The following EYA2 variants were observed in gnomAD, a reference collection of about 807,000 sequenced individuals.
The protein encoded by EYA2 is EYA transcriptional coactivator and phosphatase 2.
Under a neutral mutation model 69.2 loss-of-function variants are expected in EYA2, and 31 were observed. That is an observed-to-expected ratio of 0.45 (90% confidence interval 0.34 to 0.60). EYA2 has a LOEUF of 0.60. Among genes scored for constraint, EYA2 ranks in the 20% least tolerant of loss-of-function variants. The pLI, the probability that EYA2 is intolerant of heterozygous loss-of-function variation, is 0.02. For synonymous variants in EYA2, 257 were observed against 279.4 expected, an observed-to-expected ratio of 0.92 and a Z score of 0.80; for missense variants, 622 against 701.2, an observed-to-expected ratio of 0.89 and a Z score of 1.28.
In EYA2 at chr20:47,179,869, T is replaced by C; in HGVS notation, c.1270T>C (p.Trp424Arg). Residue 424 changes from tryptophan (W) to arginine (R), a missense_variant, in exon 13 of 16, where the codon TGG becomes CGG. Trp to Arg is a moderately radical substitution (Grantham distance 101). Transcript: ENST00000327619. ...TGAGCTGGAAGCTCTCACAGACCTCTGGCTGACCCACTCCCTGAAGGCACT... is the reference window on the plus strand; with the variant it reads ...TGAGCTGGAAGCTCTCACAGACCTCCGGCTGACCCACTCCCTGAAGGCACT... ...RAELEALTDL[W>R]LTHSLKALNL... The C allele has an allele frequency of 6.2e-7, 1 of 1,614,136 alleles. No individual in the cohort carries two copies. The highest frequency in any genetic ancestry group is 8.5e-7 in the Non-Finnish European group (1 of 1,180,012).
At chr20:46,964,709 G>C (rs1002848705) in intron 1 of EYA2, among the ~76,000 whole-genome samples, 1 of 152,174 alleles carries the variant, frequency 6.6e-6, no homozygotes, top group African/African-American at 2.4e-5. Flanking sequence ...TAGGATTCCC[G>C]TTTCACAGAT....
chr20:47,172,626 C>A, intron 11 of EYA2, 81 bp from the exon 12 acceptor site: 1 of 1,472,786 alleles, frequency 6.8e-7, no homozygotes, highest in Non-Finnish European at 9.1e-7. Context: ...ACCCGTGGGT[C>A]CCACAGAGCC....
At chr20:47,105,423 G>A (rs867258091) in intron 9 of EYA2, among the ~76,000 whole-genome samples, 82 of 152,036 alleles carry the variant, frequency 5.4e-4, no homozygotes, top group Middle Eastern at 3.2e-3. Context: ...CCAGGAGTTC[G>A]AAACCAGCCT....
At chr20:46,899,422 GGT>G (rs1198797418) in intron 1 of EYA2, among the ~76,000 whole-genome samples, 1 of 152,176 alleles carries the variant, frequency 6.6e-6, no homozygotes, top group Non-Finnish European at 1.5e-5. Context: ...GGTTGGGTAT[GGT>G]TCTGTAAAGG....
At chr20:47,078,614 C>T (rs1456213758) in intron 7 of EYA2, among the ~76,000 whole-genome samples, 1 of 152,238 alleles carries the variant, frequency 6.6e-6, no homozygotes, top group East Asian at 1.9e-4. Context: ...CAACAATTTG[C>T]AGATGATTAC....
At chr20:46,967,371 A>C (rs918059998) in intron 1 of EYA2, among the ~76,000 whole-genome samples, 2 of 152,350 alleles carry the variant, frequency 1.3e-5, no homozygotes, top group South Asian at 2.1e-4. Context: ...GAGTCTAAAG[A>C]GAGAGATAAG....
chr20:47,140,849 G>A (rs2033579603), intron 9 of EYA2, among the ~76,000 whole-genome samples: 1 of 152,186 alleles, frequency 6.6e-6, no homozygotes, highest in African/African-American at 2.4e-5. Context: ...TGTACCTGGT[G>A]AGGGCCTCAA....
Position 46,900,676 on chromosome 20 carries a change from C to G in EYA2, c.-11+5689C>G, listed in dbSNP as rs559447221. Reference sequence around the variant, plus strand: ...CCCCCTTAGCCAGTTCTCTCATACTCCGTTACCAAATATCTCACCTTAAAA... The same window carrying G: ...CCCCCTTAGCCAGTTCTCTCATACTGCGTTACCAAATATCTCACCTTAAAA... On this transcript the variant is annotated intron_variant, in intron 1 of 15. Coordinates refer to ENST00000327619, the MANE Select transcript of EYA2 (RefSeq NM_005244.5). 7.6e-4 allele frequency among the ~76,000 whole-genome samples: 116 copies of G among 152,320 alleles called. 1 individual carries two copies. Among genetic ancestry groups the G allele is most frequent in the South Asian group, 7.5e-3 (36 of 4,832 alleles).
At chr20:47,047,188 C>A (rs922175019) in intron 5 of EYA2, among the ~76,000 whole-genome samples, 3 of 152,122 alleles carry the variant, frequency 2.0e-5, no homozygotes, top group Non-Finnish European at 2.9e-5. Context: ...CTGCATCCCT[C>A]AGTGAGTAAT....
At chr20:46,986,412 A>ATCT in intron 1 of EYA2, among the ~76,000 whole-genome samples, 2 of 145,828 alleles carry the variant, frequency 1.4e-5, no homozygotes, top group African/African-American at 5.1e-5. Flanking sequence ...AGATCTATAT[A>ATCT]ATATCTATAT....
chr20:47,114,338 G>A (rs906563264), intron 9 of EYA2, among the ~76,000 whole-genome samples: 4 of 152,206 alleles, frequency 2.6e-5, no homozygotes, highest in Non-Finnish European at 5.9e-5. Flanking sequence ...AGCCTTGGCC[G>A]GCCACGGTGG....
chr20:46,909,021 T>G (rs1984513266), intron 1 of EYA2, among the ~76,000 whole-genome samples: 1 of 151,876 alleles, frequency 6.6e-6, no homozygotes, highest in African/African-American at 2.4e-5. Context: ...AGCAATCAGC[T>G]TGCTTCATTA....
chr20:47,169,305 G>A (rs1441045792), intron 11 of EYA2, 108 bp downstream of exon 11: 3 of 1,116,780 alleles, frequency 2.7e-6, no homozygotes, highest in South Asian at 1.2e-5. Flanking sequence ...TAAGGACAAG[G>A]AGTGCCTGCC....
intron 10 of EYA2, among the ~76,000 whole-genome samples, chr20:47,154,859 G>T (rs1019560838): frequency 7.4e-4 from 107 of 144,426 alleles, no homozygotes; most frequent in African/African-American, 2.6e-3. Context: ...GTGTGTGTGT[G>T]TTTTGAGATG....
intron 15 of EYA2, among the ~76,000 whole-genome samples, chr20:47,185,975 C>A (rs1162464200): frequency 6.6e-6 from 1 of 152,134 alleles, no homozygotes; most frequent in Non-Finnish European, 1.5e-5. Context: ...CTTCCTGGGG[C>A]CTTTGCACTT....
At chr20:47,026,610 A>G (rs186142271) in intron 5 of EYA2, among the ~76,000 whole-genome samples, 16 of 152,374 alleles carry the variant, frequency 1.1e-4, no homozygotes, top group East Asian at 3.9e-4. Context: ...CTACTAGTCT[A>G]TGGATTGAAC....
At chr20:47,149,063 G>A (rs541231863) in intron 10 of EYA2, among the ~76,000 whole-genome samples, 1 of 151,772 alleles carries the variant, frequency 6.6e-6, no homozygotes, top group East Asian at 1.9e-4. Context: ...GGCGATAGAG[G>A]GAGACTCCAT....
intron 10 of EYA2, among the ~76,000 whole-genome samples, chr20:47,165,957 C>T (rs922261232): frequency 6.6e-6 from 1 of 151,972 alleles, no homozygotes; most frequent in Non-Finnish European, 1.5e-5. Context: ...TGGGAGGCCA[C>T]AGCGGGAGGA....
At chr20:47,003,571 T>C (rs1418553777) in intron 3 of EYA2, among the ~76,000 whole-genome samples, 1 of 152,226 alleles carries the variant, frequency 6.6e-6, no homozygotes, top group Non-Finnish European at 1.5e-5. Context: ...CATGTGTGTG[T>C]GTATCTGTGC....
Sources: gnomAD v4.1 joint callset for allele counts (sites outside exome capture counted in the v4.1 genomes callset) on GRCh38, gnomAD v4.1.1 for gene constraint, MANE v1.5 for transcripts, NCBI Gene and HGNC (gene_info 2026-07-23, HGNC 2026-07-21) for gene names.